The following POLA1 variants were observed in gnomAD, a reference collection of about 807,000 sequenced individuals.
The protein encoded by POLA1 is DNA polymerase alpha 1, catalytic subunit, also known as DNA polymerase alpha catalytic subunit.
POLA1 carries 15 observed loss-of-function variants against 124.0 expected under a neutral mutation model. The observed-to-expected ratio is 0.12, with a 90% CI of 0.08 to 0.19. The LOEUF (loss-of-function observed/expected upper bound fraction) is 0.19, where lower values mean the gene tolerates loss of function less well. Ranked by LOEUF, POLA1 falls within the 10% of genes least tolerant of loss-of-function variation. The pLI is 1.00. For missense variants in POLA1, 886 were observed against 1,103.4 expected, an observed-to-expected ratio of 0.80 and a Z score of 2.79; for synonymous variants, 408 against 389.4, an observed-to-expected ratio of 1.05 and a Z score of -0.56.
chrX:24,903,286 G>C (rs752448916), intron 35 of POLA1, among the ~76,000 whole-genome samples: 2 of 112,779 alleles, frequency 1.8e-5, no homozygotes, highest in Non-Finnish European at 3.7e-5. Flanking sequence ...ACTGTATCTC[G>C]TTTTGTCTTG....
intron 34 of POLA1, among the ~76,000 whole-genome samples, chrX:24,881,097 A>G (rs1465291756): frequency 8.9e-6 from 1 of 111,972 alleles, no homozygotes. Context: ...TATCTTCACT[A>G]TATTTTAGTT....
At chrX:24,855,555 A>G (rs1350461096) in intron 34 of POLA1, among the ~76,000 whole-genome samples, 3 of 112,012 alleles carry the variant, frequency 2.7e-5, no homozygotes, top group Non-Finnish European at 5.6e-5. Context: ...TTGAAGGACA[A>G]TTCCCCCAAA....
intron 27 of POLA1, 139 bp downstream of exon 27, chrX:24,810,069 T>A: frequency 2.3e-6 from 1 of 426,844 alleles, no homozygotes; most frequent in Non-Finnish European, 4.1e-6. Flanking sequence ...TCCTTCCTAA[T>A]GGATTACAGC....
rs774914617 is a variant in POLA1 at position 24,841,734 on chromosome X, C to A, written c.3819C>A (p.Leu1273=). ...CTCTACTTGGTGGCCCAGCACAGCT[C>A]ACTGATGAAGAGAAATACAGGGACT... The part of the protein sequence containing the change: ...NDALLGGPAQ[L]TDEEKYRDCE... The change falls in exon 33 of 37, where the codon CTC becomes CTA. Residue 1273 remains leucine, a synonymous_variant. Transcript: ENST00000379068. 8.4e-7 allele frequency: 1 copy of A among 1,184,537 alleles called. No homozygotes were observed. The highest frequency in any genetic ancestry group is 1.7e-5 in the African/African-American group (1 of 57,161).
chrX:24,787,426 G>A (rs1269004061), intron 26 of POLA1, among the ~76,000 whole-genome samples: 1 of 111,295 alleles, frequency 9.0e-6, no homozygotes, highest in African/African-American at 3.3e-5. Context: ...TTATTCTTTC[G>A]TATGTGGATA....
rs66782103 is a variant in POLA1, at chrX:24,757,436, C to CTTTTTTTTTTTTTTTTTTTTTTTTTTT, written c.2964+8465_2964+8466insTTTTTTTTTTTTTTTTTTTTTTTTTTT. 4.8e-5 allele frequency among the ~76,000 whole-genome samples: 3 copies of CTTTTTTTTTTTTTTTTTTTTTTTTTTT among 62,138 alleles called. 1 individual carries two copies. Among genetic ancestry groups the CTTTTTTTTTTTTTTTTTTTTTTTTTTT allele is most frequent in the African/African-American group, 2.5e-4 (3 of 12,224 alleles). 54.0% of individuals were successfully genotyped at this position (62,138 alleles called of 115,157 possible). ...ATCTGAAATGCTCCAAAATCTGAAA[C>CTTTTTTTTTTTTTTTTTTTTTTTTTTT]TTTTTTTTTTTTTTTTTTTTTGAGA... On this transcript the variant is annotated intron_variant, in intron 26 of 36. Coordinates refer to ENST00000379068, the MANE Select transcript of POLA1 (RefSeq NM_001330360.2).
At chrX:24,767,329 C>T (rs139504511) in intron 26 of POLA1, among the ~76,000 whole-genome samples, 3,246 of 111,706 alleles carry the variant, frequency 0.029, 113 homozygotes, top group African/African-American at 0.098. Context: ...TCCCCTCCTC[C>T]ACTCAGTTTA....
At chrX:24,854,605 G>A (rs746291295) in intron 34 of POLA1, among the ~76,000 whole-genome samples, 63 of 111,308 alleles carry the variant, frequency 5.7e-4, no homozygotes, top group African/African-American at 1.3e-4. Flanking sequence ...CTGAGCAGGC[G>A]GATCACCTCA....
chrX:24,931,716 A>G (rs1384719948), intron 36 of POLA1, among the ~76,000 whole-genome samples: 2 of 112,188 alleles, frequency 1.8e-5, no homozygotes, highest in African/African-American at 3.2e-5. Context: ...ATTCATGGTC[A>G]ATGTCTAGCC....
At chrX:24,760,724 A>G (rs1313966230) in intron 26 of POLA1, among the ~76,000 whole-genome samples, 2 of 112,061 alleles carry the variant, frequency 1.8e-5, no homozygotes, top group Non-Finnish European at 3.8e-5. Context: ...TTGCCAGATC[A>G]TAAATACTGT....
Position 24,910,231 on chromosome X carries a change from TTTC to T in POLA1, c.4165-20221_4165-20219del, listed in dbSNP as rs2047428823. Reference sequence around the variant, plus strand: ...TTCCTAATTGAATACCCTTTATTTATTTCCTTCTCCTGTCTAATTGCCCTGGCC... The same window carrying T: ...TTCCTAATTGAATACCCTTTATTTATCTTCTCCTGTCTAATTGCCCTGGCC... On this transcript the variant is annotated intron_variant, in intron 35 of 36. Coordinates refer to ENST00000379068, the MANE Select transcript of POLA1 (RefSeq NM_001330360.2). 4.6e-5 allele frequency among the ~76,000 whole-genome samples: 3 copies of T among 65,071 alleles called. No individual in the cohort carries two copies. In the South Asian group the frequency reaches 2.3e-3, roughly 49 times the overall value. 56.5% of individuals were successfully genotyped at this position (65,071 alleles called of 115,157 possible). A position where few individuals can be genotyped will look rare whatever the true frequency, so the allele number is the denominator to read the frequency against.
rs371213153 is a variant in POLA1, at chrX:24,821,697, G to A, written c.3561+114G>A. ...CCCAATAATTGATGTTGTAAAGTCT[G>A]GTTAGTTTCATAGCATTTAAAAAAC... On this transcript the variant is annotated intron_variant, in intron 31 of 36. Transcript: ENST00000379068. The A allele has an allele frequency of 2.4e-4, 129 of 534,872 alleles. No homozygotes were observed. In the African/African-American group the frequency reaches 2.7e-3, roughly 11 times the overall value. The allele number at this position is 534,872 out of a possible 1,213,427, so 44.1% of individuals were successfully genotyped here.
chrX:24,885,687 G>T (rs761254172), intron 34 of POLA1, among the ~76,000 whole-genome samples: 2 of 111,473 alleles, frequency 1.8e-5, no homozygotes, highest in East Asian at 5.7e-4. Flanking sequence ...ACCACACTCG[G>T]CTATTTTTTT....
At chrX:24,904,115 C>G (rs923580943) in intron 35 of POLA1, among the ~76,000 whole-genome samples, 1 of 108,492 alleles carries the variant, frequency 9.2e-6, no homozygotes, top group African/African-American at 3.4e-5. Flanking sequence ...TTTTATTTTA[C>G]TTTTAGTAAA....
At chrX:24,917,621 G>A (rs1211307305) in intron 35 of POLA1, among the ~76,000 whole-genome samples, 1 of 111,281 alleles carries the variant, frequency 9.0e-6, no homozygotes, top group Non-Finnish European at 1.9e-5. Flanking sequence ...CCAAACCAAT[G>A]GACTCCACTA....
rs931512067 is a variant in POLA1, at chrX:24,727,719, A to C, written c.1532-63A>C. ...TATGCCAGTTAATGACAGATGTCTT[A>C]ATTATAGTAGTTTTTCTTTTTCAGT... On this transcript the variant is annotated intron_variant, in intron 14 of 36. Transcript: ENST00000379068. 1.3e-5 allele frequency: 12 copies of C among 919,972 alleles called. No individual in the cohort carries two copies. The African/African-American group carries it at 1.4e-4, about 10-fold the overall frequency. The allele number at this position is 919,972 out of a possible 1,213,427, so 75.8% of individuals were successfully genotyped here. A position where few individuals can be genotyped will look rare whatever the true frequency, so the allele number is the denominator to read the frequency against.
In POLA1 at chrX:24,815,098, T is replaced by A. The variant is rs1471740978; in HGVS notation, c.3416T>A (p.Phe1139Tyr). The A allele has an allele frequency of 4.1e-6, 5 of 1,206,397 alleles. No individual in the cohort carries two copies. Among genetic ancestry groups the A allele is most frequent in the Non-Finnish European group, 5.6e-6 (5 of 892,455 alleles). ...AATGGCAGTGTCCCAGTGAGCCAGT[T>A]TGAAATTAACAAGGTAAATGTAGCA... ...VLNGSVPVSQ[F>Y]EINKALTKDP... The change falls in exon 30 of 37, where the codon TTT becomes TAT. Residue 1139 changes from phenylalanine (F) to tyrosine (Y), a missense_variant. Phe to Tyr is a conservative substitution (Grantham distance 22, BLOSUM62 3). Coordinates refer to ENST00000379068, the MANE Select transcript of POLA1 (RefSeq NM_001330360.2).
At chrX:24,738,170 G>A (rs1214046020) in intron 19 of POLA1, among the ~76,000 whole-genome samples, 1 of 82,677 alleles carries the variant, frequency 1.2e-5, no homozygotes, top group African/African-American at 6.5e-5. Flanking sequence ...CCGAGATTGC[G>A]CCACTGCAGT....
intron 34 of POLA1, among the ~76,000 whole-genome samples, chrX:24,885,867 A>T (rs1401629994): frequency 8.9e-6 from 1 of 112,055 alleles, no homozygotes; most frequent in East Asian, 2.8e-4. Flanking sequence ...TGTGAGCTGC[A>T]CTCTTGACTT....
Sources: gnomAD v4.1 joint callset for allele counts (sites outside exome capture counted in the v4.1 genomes callset) on GRCh38, gnomAD v4.1.1 for gene constraint, MANE v1.5 for transcripts, NCBI Gene and HGNC (gene_info 2026-07-23, HGNC 2026-07-21) for gene names.